Variants in CHD6 observed in about 807,000 individuals in gnomAD.
CHD6 encodes ATP-dependent chromatin remodeler CHD6.
A neutral mutation model predicts 276.9 loss-of-function variants in CHD6; 50 were observed. That is an observed-to-expected ratio of 0.18 (90% CI 0.14 to 0.23). CHD6 has a LOEUF of 0.23. Among genes scored for constraint, CHD6 ranks in the 10% least tolerant of loss-of-function variants. The pLI, the probability that CHD6 is intolerant of heterozygous loss-of-function variation, is 1.00. For missense variants in CHD6, 2,564 were observed against 3,365.8 expected (o/e 0.76, Z 5.89); for synonymous variants, 1,173 against 1,229.3 (o/e 0.95, Z 0.96).
At chr20:41,532,874 C>T (rs1403170529) in intron 3 of CHD6, among the ~76,000 whole-genome samples, 176 bp downstream of exon 3, 1 of 152,194 alleles carries the variant, frequency 6.6e-6, no homozygotes, top group Non-Finnish European at 1.5e-5. Flanking sequence ...CCAAGGACAG[C>T]CCCTTGCATT....
intron 17 of CHD6, among the ~76,000 whole-genome samples, chr20:41,465,927 G>T (rs934914393): frequency 1.3e-5 from 2 of 152,130 alleles, no homozygotes; most frequent in Non-Finnish European, 2.9e-5. Context: ...TTTGTAGGCC[G>T]GGCGTGGTGG....
chr20:41,569,044 C>T (rs191732846), intron 1 of CHD6, among the ~76,000 whole-genome samples: 21 of 152,268 alleles, frequency 1.4e-4, no homozygotes, highest in Admixed American at 1.4e-3. Context: ...GAGGTAAACA[C>T]AAAACTAGTC....
At chr20:41,555,808 T>G in intron 1 of CHD6, among the ~76,000 whole-genome samples, 2 of 131,074 alleles carry the variant, frequency 1.5e-5, no homozygotes, top group Non-Finnish European at 3.3e-5. Context: ...TCCCAGACGA[T>G]GGGCGGCCAG....
chr20:41,486,706 C>A (rs1200357250), intron 14 of CHD6, among the ~76,000 whole-genome samples: 1 of 152,172 alleles, frequency 6.6e-6, no homozygotes, highest in African/African-American at 2.4e-5. Context: ...CTACTGAATT[C>A]TTCAAACTAC....
chr20:41,456,412 G>A (rs1235923032), intron 18 of CHD6, among the ~76,000 whole-genome samples: 1 of 151,542 alleles, frequency 6.6e-6, no homozygotes, highest in Non-Finnish European at 1.5e-5. Flanking sequence ...TTGTAAATGA[G>A]GTCATTTCTC....
At chr20:41,556,035 C>T (rs1370327368) in intron 1 of CHD6, among the ~76,000 whole-genome samples, 3 of 152,148 alleles carry the variant, frequency 2.0e-5, no homozygotes, top group Non-Finnish European at 4.4e-5. Flanking sequence ...GGATCACTCG[C>T]GGTTAGGAGC....
intron 2 of CHD6, among the ~76,000 whole-genome samples, chr20:41,537,819 A>G (rs1205549448): frequency 6.6e-6 from 1 of 152,260 alleles, no homozygotes; most frequent in Non-Finnish European, 1.5e-5. Context: ...ACAGTGTGAC[A>G]GTCCTTCAAG....
intron 2 of CHD6, among the ~76,000 whole-genome samples, chr20:41,535,817 G>A (rs1172311451): frequency 7.2e-5 from 11 of 152,158 alleles, no homozygotes. Flanking sequence ...AACGGGCTAT[G>A]ATTGTGCCAC....
In CHD6 at chr20:41,450,088, C is replaced by T. The variant is rs8114025; in HGVS notation, c.3683+858G>A. Among the ~76,000 whole-genome samples, 904 of 151,926 alleles carry T rather than the reference C, an allele frequency of 6.0e-3. 3 individuals carry two copies. Among genetic ancestry groups the T allele is most frequent in the Middle Eastern group, 0.017 (5 of 294 alleles). On this transcript the variant is annotated intron_variant, in intron 23 of 36. Coordinates refer to ENST00000373233, the MANE Select transcript of CHD6 (RefSeq NM_032221.5). ...CTTATCTTCAAATATTTGAGGTGAT[C>T]AAGGGAAAGGATTATACTTTATCTG...
intron 1 of CHD6, among the ~76,000 whole-genome samples, chr20:41,567,179 G>A (rs1448087426): frequency 6.6e-6 from 1 of 152,096 alleles, no homozygotes; most frequent in Non-Finnish European, 1.5e-5. Context: ...GGTGTGATGC[G>A]CCATCAGGTC....
chr20:41,443,382 G>A (rs995492019), intron 25 of CHD6, among the ~76,000 whole-genome samples: 2 of 152,214 alleles, frequency 1.3e-5, no homozygotes, highest in African/African-American at 4.8e-5. Flanking sequence ...TTTTCCAGGT[G>A]AGAAGGCATC....
At chr20:41,480,572 G>A (rs1305461791) in intron 16 of CHD6, among the ~76,000 whole-genome samples, 6 of 152,176 alleles carry the variant, frequency 3.9e-5, no homozygotes, top group Non-Finnish European at 7.3e-5. Context: ...TGAGAGGACA[G>A]GAAGTTGTAT....
At chr20:41,577,536 A>G (rs2146222634) in intron 1 of CHD6, among the ~76,000 whole-genome samples, 1 of 152,388 alleles carries the variant, frequency 6.6e-6, no homozygotes, top group African/African-American at 2.4e-5. Context: ...TTATACATTA[A>G]GAAGGACTTT....
rs2046556073 is a variant in CHD6 at position 41,402,156 on chromosome 20, AAG to A, written c.*2435_*2436del. On this transcript the variant is annotated 3_prime_UTR_variant, in exon 37 of 37. Transcript: ENST00000373233. ...AATTTATTATGTAAGACATGGGGTG[AAG>A]AATGGTCAAGGAAAGTTATGGCCGT... The A allele has an allele frequency of 4.9e-6, 1 of 206,096 alleles. No homozygotes were observed. The highest frequency in any genetic ancestry group is 9.9e-6 in the Non-Finnish European group (1 of 100,866). The allele number at this position is 206,096 out of a possible 1,614,324, so 12.8% of individuals were successfully genotyped here.
chr20:41,617,162 G>A (rs1601201608), intron 1 of CHD6, among the ~76,000 whole-genome samples: 1 of 152,222 alleles, frequency 6.6e-6, no homozygotes, highest in South Asian at 2.1e-4. Context: ...GGAGTTTTCA[G>A]GGGGTGGGAA....
intron 1 of CHD6, among the ~76,000 whole-genome samples, chr20:41,608,030 T>C (rs1319743470): frequency 6.6e-6 from 1 of 152,104 alleles, no homozygotes; most frequent in Non-Finnish European, 1.5e-5. Flanking sequence ...GACCACACGA[T>C]GAAAGAGTCT....
intron 4 of CHD6, among the ~76,000 whole-genome samples, chr20:41,513,543 A>C (rs1314531416): frequency 6.6e-6 from 1 of 152,230 alleles, no homozygotes; most frequent in East Asian, 1.9e-4. Context: ...GAGACATCTT[A>C]AGTGTGACAA....
intron 1 of CHD6, among the ~76,000 whole-genome samples, chr20:41,589,522 G>A (rs969115997): frequency 3.9e-5 from 6 of 152,142 alleles, no homozygotes; most frequent in East Asian, 1.9e-4. Flanking sequence ...CAGCAAAGTC[G>A]CAGGATAGAA....
chr20:41,530,738 T>G (rs1217227236), intron 3 of CHD6, among the ~76,000 whole-genome samples: 1 of 152,222 alleles, frequency 6.6e-6, no homozygotes, highest in African/African-American at 2.4e-5. Flanking sequence ...AAGAATTCTA[T>G]TATGTTACAG....
Sources: allele counts gnomAD v4.1 joint callset (sites outside exome capture counted in the v4.1 genomes callset), GRCh38; gene constraint gnomAD v4.1.1; transcripts MANE v1.5; gene names NCBI Gene and HGNC (gene_info 2026-07-23, HGNC 2026-07-21).